Variants in MFHAS1 observed in about 807,000 individuals in gnomAD.
The protein encoded by MFHAS1 is multifunctional ROCO family signaling regulator 1.
A neutral mutation model predicts 70.4 loss-of-function variants in MFHAS1; 50 were observed. That is an observed-to-expected ratio of 0.71 (90% CI 0.57 to 0.90). The LOEUF (loss-of-function observed/expected upper bound fraction) is 0.90, where lower values mean the gene tolerates loss of function less well. Ranked by LOEUF, MFHAS1 falls within the 40% of genes least tolerant of loss-of-function variation. The pLI is 0.00. For missense variants in MFHAS1, 1,795 were observed against 1,347.6 expected, an observed-to-expected ratio of 1.33 and a Z score of -5.20; for synonymous variants, 952 against 620.0, an observed-to-expected ratio of 1.54 and a Z score of -7.96.
intron 1 of MFHAS1, among the ~76,000 whole-genome samples, chr8:8,849,524 C>T (rs1212368526): frequency 2.6e-5 from 4 of 152,118 alleles, no homozygotes; most frequent in Non-Finnish European, 5.9e-5. Context: ...CAGTAAGAAA[C>T]GTGGGGTTAT....
intron 1 of MFHAS1, among the ~76,000 whole-genome samples, chr8:8,881,831 A>G (rs796219200): frequency 1.5e-4 from 22 of 151,498 alleles, no homozygotes; most frequent in African/African-American, 2.7e-4. Context: ...AAAAAAAAAA[A>G]AAAGAAAGCA....
At chr8:8,879,759 C>T (rs540796472) in intron 1 of MFHAS1, among the ~76,000 whole-genome samples, 1 of 152,136 alleles carries the variant, frequency 6.6e-6, no homozygotes, top group African/African-American at 2.4e-5. Context: ...CTCCCCAAGC[C>T]CAAGATCAGG....
intron 1 of MFHAS1, among the ~76,000 whole-genome samples, chr8:8,805,851 C>A (rs562865414): frequency 1.3e-5 from 2 of 151,698 alleles, no homozygotes; most frequent in Non-Finnish European, 2.9e-5. Flanking sequence ...GCGCGCACCA[C>A]CATGACTGGC....
chr8:8,803,888 C>T (rs563977791), intron 1 of MFHAS1, among the ~76,000 whole-genome samples: 1 of 152,192 alleles, frequency 6.6e-6, no homozygotes, highest in South Asian at 2.1e-4. Context: ...AGGAGAATCA[C>T]TGGAATCCAG....
chr8:8,828,851 G>T (rs577724899), intron 1 of MFHAS1, among the ~76,000 whole-genome samples: 8 of 152,312 alleles, frequency 5.3e-5, no homozygotes, highest in East Asian at 1.9e-4. Flanking sequence ...TTATGAGGTA[G>T]ATTCCTTAGA....
chr8:8,803,180 C>T (rs545812007), intron 1 of MFHAS1, among the ~76,000 whole-genome samples: 3 of 152,192 alleles, frequency 2.0e-5, no homozygotes, highest in South Asian at 2.1e-4. Context: ...TTTGCATCCA[C>T]GGATTCAACC....
intron 1 of MFHAS1, among the ~76,000 whole-genome samples, chr8:8,836,660 G>A (rs987476635): frequency 6.6e-6 from 1 of 152,166 alleles, no homozygotes; most frequent in Non-Finnish European, 1.5e-5. Flanking sequence ...TTAAATGCAT[G>A]AGCCACCTCG....
intron 2 of MFHAS1, 65 bp from the exon 3 acceptor site, chr8:8,786,120 A>C: frequency 7.2e-7 from 1 of 1,385,926 alleles, no homozygotes; most frequent in Non-Finnish European, 1.0e-6. Context: ...GCTACCCTCA[A>C]TAAGAAAAGG....
At chr8:8,848,810 G>A (rs901447611) in intron 1 of MFHAS1, among the ~76,000 whole-genome samples, 4 of 152,164 alleles carry the variant, frequency 2.6e-5, no homozygotes, top group Non-Finnish European at 4.4e-5. Flanking sequence ...GAATTAAATA[G>A]CCACAGAACC....
At chr8:8,830,170 G>A (rs1465187673) in intron 1 of MFHAS1, among the ~76,000 whole-genome samples, 1 of 152,130 alleles carries the variant, frequency 6.6e-6, no homozygotes. Flanking sequence ...CTCTGGCGTG[G>A]GGAGCCATTA....
Position 8,834,466 on chromosome 8 carries a change from C to T in MFHAS1, c.2999-36975G>A, listed in dbSNP as rs182837996. Among the ~76,000 whole-genome samples, 45 of 152,302 alleles carry T rather than the reference C, an allele frequency of 3.0e-4. No homozygotes were observed. In the South Asian group the frequency reaches 6.4e-3, roughly 22 times the overall value. ...GTGCCCTATACAAGTGCACCATTTT[C>T]TGTCTTTTATACTGTATTTTGACAG... On this transcript the variant is annotated intron_variant, in intron 1 of 2. Coordinates refer to ENST00000276282, the MANE Select transcript of MFHAS1 (RefSeq NM_004225.3).
intron 1 of MFHAS1, among the ~76,000 whole-genome samples, chr8:8,873,726 G>A (rs61591712): frequency 0.72 from 109,620 of 152,048 alleles, 40,798 homozygotes; most frequent in Non-Finnish European, 0.81. Flanking sequence ...ACCACGCAGC[G>A]CGGGAAGATT....
chr8:8,811,348 C>T (rs1447235184), intron 1 of MFHAS1, among the ~76,000 whole-genome samples: 1 of 151,818 alleles, frequency 6.6e-6, no homozygotes, highest in African/African-American at 2.4e-5. Context: ...TGCGCTGTCA[C>T]CCAGGCTGGA....
intron 1 of MFHAS1, among the ~76,000 whole-genome samples, chr8:8,876,589 G>T (rs565621441): frequency 6.6e-6 from 1 of 151,878 alleles, no homozygotes; most frequent in African/African-American, 2.4e-5. Flanking sequence ...ACAAAAATTA[G>T]CCGGGCATAG....
chr8:8,836,106 G>A (rs2116844198), intron 1 of MFHAS1, among the ~76,000 whole-genome samples: 1 of 152,318 alleles, frequency 6.6e-6, no homozygotes, highest in Non-Finnish European at 1.5e-5. Flanking sequence ...ATGCAAGACA[G>A]AGAGGAAAGA....
intron 1 of MFHAS1, among the ~76,000 whole-genome samples, chr8:8,863,123 G>C (rs1349077219): frequency 6.6e-6 from 1 of 152,044 alleles, no homozygotes. Context: ...AATTATATTT[G>C]TACCTTTGTC....
chr8:8,792,647 C>T (rs1805758175), intron 2 of MFHAS1, among the ~76,000 whole-genome samples: 1 of 152,138 alleles, frequency 6.6e-6, no homozygotes. Flanking sequence ...AACTTACTGA[C>T]TGCATGAACT....
chr8:8,815,583 A>T (rs2117292162), intron 1 of MFHAS1, among the ~76,000 whole-genome samples: 1 of 152,266 alleles, frequency 6.6e-6, no homozygotes, highest in African/African-American at 2.4e-5. Context: ...ATGGTATCTC[A>T]TTGTGGTTTT....
At chr8:8,821,429 T>C (rs1264163412) in intron 1 of MFHAS1, among the ~76,000 whole-genome samples, 3 of 152,230 alleles carry the variant, frequency 2.0e-5, no homozygotes, top group African/African-American at 7.2e-5. Flanking sequence ...GAGAATAGCA[T>C]GAAGCAGTAA....
Sources: allele counts gnomAD v4.1 joint callset (sites outside exome capture counted in the v4.1 genomes callset), GRCh38; gene constraint gnomAD v4.1.1; transcripts MANE v1.5; gene names NCBI Gene and HGNC (gene_info 2026-07-23, HGNC 2026-07-21).